Variants in DLGAP1 observed in about 807,000 individuals in gnomAD.
DLGAP1 encodes the protein DLG associated protein 1, also known as disks large-associated protein 1.
Under a neutral mutation model 90.8 loss-of-function variants are expected in DLGAP1, and 11 were observed. That is an observed-to-expected ratio of 0.12 (90% CI 0.08 to 0.20). DLGAP1 has a LOEUF of 0.20. DLGAP1 is among the 10% of genes least tolerant of loss of function. The pLI is 1.00. For synonymous variants in DLGAP1, 558 were observed against 540.7 expected (o/e 1.03, Z -0.44); for missense variants, 1,050 against 1,333.8 (o/e 0.79, Z 3.31).
intron 7 of DLGAP1, among the ~76,000 whole-genome samples, chr18:3,717,726 C>A (rs2147296928): frequency 6.6e-6 from 1 of 152,282 alleles, no homozygotes; most frequent in Non-Finnish European, 1.5e-5. Flanking sequence ...CAGAGGAAAT[C>A]TTATGTTCTC....
At chr18:3,828,258 G>T (rs1023762349) in intron 4 of DLGAP1, among the ~76,000 whole-genome samples, 4 of 152,154 alleles carry the variant, frequency 2.6e-5, no homozygotes, top group African/African-American at 4.8e-5. Flanking sequence ...TGCAAAGTTA[G>T]GGCAAGAATC....
At chr18:3,592,910 A>C (rs1395113288) in intron 7 of DLGAP1, among the ~76,000 whole-genome samples, 1 of 147,334 alleles carries the variant, frequency 6.8e-6, no homozygotes, top group Non-Finnish European at 1.5e-5. Flanking sequence ...GAAAAAGAAA[A>C]AAAAGAAAGA....
intron 2 of DLGAP1, among the ~76,000 whole-genome samples, chr18:4,048,321 C>T (rs1047176227): frequency 6.6e-6 from 1 of 152,182 alleles, no homozygotes; most frequent in African/African-American, 2.4e-5. Context: ...TCTAAGCCAT[C>T]AGAGCTCATT....
At chr18:4,442,443 A>C (rs2083558896) in intron 1 of DLGAP1, among the ~76,000 whole-genome samples, 1 of 152,254 alleles carries the variant, frequency 6.6e-6, no homozygotes, top group Admixed American at 6.5e-5. Context: ...ACAAGTTTGT[A>C]GAAAATACGC....
chr18:3,592,512 T>TA (rs2056306658), intron 7 of DLGAP1, among the ~76,000 whole-genome samples: 1 of 152,182 alleles, frequency 6.6e-6, no homozygotes, highest in Non-Finnish European at 1.5e-5. Flanking sequence ...AGCAAATCCT[T>TA]ACTCTGTGTA....
At chr18:3,603,324 A>C (rs908943228) in intron 7 of DLGAP1, 7 of 151,010 alleles carry the variant, frequency 4.6e-5, no homozygotes, top group African/African-American at 1.7e-4. Context: ...TGTCCTTTAC[A>C]AAAAAAAAGG....
rs1282397371 is a variant in DLGAP1, at chr18:3,499,745, G to A, written c.2725-351C>T. Reference sequence around the variant, plus strand: ...ACTCCAGACTCCTCCTGGTGCCAGAGATGGGCCAGGAAGCAGCGGCTGCAG... The same window carrying A: ...ACTCCAGACTCCTCCTGGTGCCAGAAATGGGCCAGGAAGCAGCGGCTGCAG... On this transcript the variant is annotated intron_variant, in intron 12 of 12. Transcript: ENST00000315677. This position sits in a 1 kb window ranked among gnomAD's most constrained non-coding sequence, Gnocchi z 6.4. 6.6e-6 allele frequency among the ~76,000 whole-genome samples: 1 copy of A among 152,096 alleles called. No homozygotes were observed. The highest frequency in any genetic ancestry group is 1.5e-5 in the Non-Finnish European group (1 of 68,026).
chr18:3,732,534 CTT>C (rs1415107603), intron 6 of DLGAP1, among the ~76,000 whole-genome samples: 14 of 152,142 alleles, frequency 9.2e-5, no homozygotes, highest in South Asian at 4.1e-4. Flanking sequence ...TTTGTTCTCT[CTT>C]ATATTCCATA....
chr18:4,161,577 A>C (rs2139871), intron 1 of DLGAP1, among the ~76,000 whole-genome samples: 11,360 of 152,164 alleles, frequency 0.075, 1,385 homozygotes, highest in African/African-American at 0.25. Context: ...TCTTATAAAT[A>C]AATTTTCTAT....
At chr18:3,589,478 C>T (rs2056107103) in intron 7 of DLGAP1, among the ~76,000 whole-genome samples, 2 of 152,098 alleles carry the variant, frequency 1.3e-5, no homozygotes, top group Admixed American at 1.3e-4. Flanking sequence ...CTGATTACTG[C>T]ATTTTAGAAA....
At chr18:3,963,072 T>C (rs1227060632) in intron 3 of DLGAP1, among the ~76,000 whole-genome samples, 1 of 152,192 alleles carries the variant, frequency 6.6e-6, no homozygotes, top group Non-Finnish European at 1.5e-5. Flanking sequence ...TGCATCTTGA[T>C]CTCTTCTGTC....
intron 2 of DLGAP1, among the ~76,000 whole-genome samples, chr18:4,054,600 T>A (rs2075185178): frequency 6.6e-6 from 1 of 152,142 alleles, no homozygotes; most frequent in Non-Finnish European, 1.5e-5. Context: ...GAATGGAAAA[T>A]TCCCTGTAAC....
At chr18:3,909,726 T>A (rs889247624) in intron 3 of DLGAP1, among the ~76,000 whole-genome samples, 1 of 152,184 alleles carries the variant, frequency 6.6e-6, no homozygotes, top group African/African-American at 2.4e-5. Context: ...GTCTTTCCAG[T>A]GTATTGCACA....
At chr18:3,684,420 G>C (rs1389035937) in intron 7 of DLGAP1, among the ~76,000 whole-genome samples, 1 of 141,740 alleles carries the variant, frequency 7.1e-6, no homozygotes, top group African/African-American at 2.6e-5. Context: ...GGCTGGTCTT[G>C]AACTCTTGAG....
At chr18:3,572,964 C>T (rs1044417202) in intron 8 of DLGAP1, among the ~76,000 whole-genome samples, 7 of 152,024 alleles carry the variant, frequency 4.6e-5, no homozygotes, top group East Asian at 1.9e-4. Context: ...TATGCTGACA[C>T]GATAATAAGA....
chr18:4,370,204 A>C (rs1457473567), intron 1 of DLGAP1, among the ~76,000 whole-genome samples: 1 of 152,214 alleles, frequency 6.6e-6, no homozygotes, highest in Non-Finnish European at 1.5e-5. Context: ...ATATGAAGAA[A>C]AATCCAAAGA....
At chr18:3,783,908 T>C (rs1174626821) in intron 5 of DLGAP1, among the ~76,000 whole-genome samples, 2 of 152,206 alleles carry the variant, frequency 1.3e-5, no homozygotes, top group African/African-American at 4.8e-5. Flanking sequence ...GGTGAGAATC[T>C]TATGTGTCCT....
chr18:3,634,526 T>C (rs931573135), intron 7 of DLGAP1, among the ~76,000 whole-genome samples: 1 of 152,228 alleles, frequency 6.6e-6, no homozygotes, highest in Non-Finnish European at 1.5e-5. Flanking sequence ...TTCTTATTTA[T>C]GTGTAATGCC....
At chr18:3,611,370 G>A (rs549359726) in intron 7 of DLGAP1, among the ~76,000 whole-genome samples, 2 of 151,998 alleles carry the variant, frequency 1.3e-5, no homozygotes, top group East Asian at 3.9e-4. Flanking sequence ...TTTTGGGGTC[G>A]GGGCAGTGCA....
Sources: allele counts gnomAD v4.1 joint callset (sites outside exome capture counted in the v4.1 genomes callset), GRCh38; gene constraint gnomAD v4.1.1; non-coding constraint Gnocchi (gnomAD v3.1); transcripts MANE v1.5; gene names NCBI Gene and HGNC (gene_info 2026-07-23, HGNC 2026-07-21).